EXOC4: variants seen among roughly 807,000 people sequenced by gnomAD.
EXOC4 encodes the protein exocyst complex component 4.
Under a neutral mutation model 107.2 loss-of-function variants are expected in EXOC4, and 71 were observed. The ratio of observed to expected loss-of-function variants is 0.66; its 90% confidence interval spans 0.55 to 0.81. The LOEUF (loss-of-function observed/expected upper bound fraction) is 0.81. EXOC4 is among the 30% of genes least tolerant of loss of function. EXOC4 has a pLI of 0.00. For missense variants in EXOC4, 1,108 were observed against 1,189.6 expected, an observed-to-expected ratio of 0.93 and a Z score of 1.01; for synonymous variants, 456 against 441.2, an observed-to-expected ratio of 1.03 and a Z score of -0.42.
At chr7:133,497,700 A>T (rs1799504288) in intron 9 of EXOC4, among the ~76,000 whole-genome samples, 1 of 152,104 alleles carries the variant, frequency 6.6e-6, no homozygotes, top group Non-Finnish European at 1.5e-5. Context: ...AAGTGTTGGG[A>T]TTACAGGGGT....
chr7:133,571,967 G>T (rs909626294), intron 9 of EXOC4, among the ~76,000 whole-genome samples: 1 of 152,126 alleles, frequency 6.6e-6, no homozygotes. Flanking sequence ...TGGCAACACC[G>T]GAATTTTAAA....
intron 7 of EXOC4, among the ~76,000 whole-genome samples, chr7:133,414,677 G>A (rs538998727): frequency 1.3e-5 from 2 of 152,074 alleles, no homozygotes; most frequent in Admixed American, 6.6e-5. Flanking sequence ...AATGTAAACT[G>A]TAAAAGAGTA....
intron 11 of EXOC4, among the ~76,000 whole-genome samples, chr7:133,851,377 C>A (rs1798236766): frequency 6.6e-6 from 1 of 152,138 alleles, no homozygotes; most frequent in African/African-American, 2.4e-5. Context: ...AGAGACAGGG[C>A]CTTGCTATGT....
chr7:133,726,010 A>G (rs963788155), intron 10 of EXOC4, among the ~76,000 whole-genome samples: 4 of 152,214 alleles, frequency 2.6e-5, no homozygotes, highest in African/African-American at 9.6e-5. Context: ...ATAGAAGCAG[A>G]TTTGGGAGAA....
chr7:133,456,450 C>G (rs1243500017), intron 7 of EXOC4, among the ~76,000 whole-genome samples: 1 of 152,166 alleles, frequency 6.6e-6, no homozygotes, highest in Non-Finnish European at 1.5e-5. Flanking sequence ...TTCATGCGAT[C>G]ATATCATTGA....
chr7:133,662,594 A>G (rs7783019), intron 10 of EXOC4, among the ~76,000 whole-genome samples: 81,969 of 151,704 alleles, frequency 0.54, 22,487 homozygotes, highest in Admixed American at 0.64. Flanking sequence ...TTTAATCTAG[A>G]GTAACAGTTC....
intron 5 of EXOC4, among the ~76,000 whole-genome samples, chr7:133,355,947 C>T (rs1001426105): frequency 6.6e-6 from 1 of 152,162 alleles, no homozygotes; most frequent in African/African-American, 2.4e-5. Flanking sequence ...CTAACAAATA[C>T]AAACCTGAGG....
rs74931931 is a variant in EXOC4 at position 133,827,762 on chromosome 7, A to G, written c.1734+10218A>G. Reference sequence around the variant, plus strand: ...TACATCTGGGTTACGAGGTCAGTTTAAAAAGAATGAACTGGAGGACTTTAT... The same window carrying G: ...TACATCTGGGTTACGAGGTCAGTTTGAAAAGAATGAACTGGAGGACTTTAT... On this transcript the variant is annotated intron_variant, in intron 11 of 17. Transcript: ENST00000253861. Among the ~76,000 whole-genome samples, 731 of 152,318 alleles carry G rather than the reference A, an allele frequency of 4.8e-3. 8 individuals carry two copies. Among genetic ancestry groups the G allele is most frequent in the African/African-American group, 0.017 (688 of 41,566 alleles).
At chr7:134,077,968 G>A in the EXOC4 span, among the ~76,000 whole-genome samples, 2 of 152,208 alleles carry the variant, frequency 1.3e-5, no homozygotes, top group African/African-American at 4.8e-5. Context: ...TTGAGGGAGT[G>A]CTGGGAGAGT....
intron 13 of EXOC4, among the ~76,000 whole-genome samples, chr7:133,919,961 CA>C (rs1799901771): frequency 6.6e-6 from 1 of 152,146 alleles, no homozygotes; most frequent in African/African-American, 2.4e-5. Context: ...AAGAAACTGC[CA>C]AAATGTATTC....
chr7:133,264,511 TAAG>T (rs1793668866), intron 1 of EXOC4, among the ~76,000 whole-genome samples: 1 of 152,222 alleles, frequency 6.6e-6, no homozygotes, highest in Non-Finnish European at 1.5e-5. Flanking sequence ...AAGACATAAT[TAAG>T]AAATAAGCAA....
intron 14 of EXOC4, among the ~76,000 whole-genome samples, chr7:133,992,908 G>A (rs1178601630): frequency 6.6e-6 from 1 of 151,424 alleles, no homozygotes; most frequent in East Asian, 1.9e-4. Flanking sequence ...CCTTTATCAT[G>A]ATGAGTTATG....
chr7:133,806,094 C>T (rs1478160089), intron 10 of EXOC4, among the ~76,000 whole-genome samples: 1 of 152,184 alleles, frequency 6.6e-6, no homozygotes, highest in African/African-American at 2.4e-5. Context: ...GTGCCTTAGA[C>T]CTGGAACACT....
chr7:133,354,843 G>C (rs1418135704), intron 5 of EXOC4, among the ~76,000 whole-genome samples: 6 of 152,150 alleles, frequency 3.9e-5, no homozygotes, highest in Admixed American at 6.5e-5. Flanking sequence ...TACCATCCAA[G>C]TGTTCCCTTG....
chr7:133,978,981 T>C (rs1012760507), intron 14 of EXOC4, among the ~76,000 whole-genome samples: 5 of 152,208 alleles, frequency 3.3e-5, no homozygotes, highest in African/African-American at 9.6e-5. Flanking sequence ...CATTTCACTC[T>C]GTACAGTAAA....
intron 17 of EXOC4, among the ~76,000 whole-genome samples, chr7:134,017,411 A>G (rs1794935347): frequency 6.6e-6 from 1 of 152,208 alleles, no homozygotes; most frequent in Non-Finnish European, 1.5e-5. Flanking sequence ...CCACTGCCAG[A>G]TAGAAAGAAA....
intron 14 of EXOC4, among the ~76,000 whole-genome samples, chr7:133,959,444 T>C (rs1363384301): frequency 6.7e-6 from 1 of 148,794 alleles, no homozygotes. Context: ...TCCATGAAGG[T>C]GGAAAAAAAA....
intron 10 of EXOC4, among the ~76,000 whole-genome samples, chr7:133,706,370 C>T (rs935990250): frequency 2.6e-5 from 4 of 152,198 alleles, no homozygotes; most frequent in Admixed American, 2.0e-4. Flanking sequence ...AGGAGATGTG[C>T]ACAAACATAT....
chr7:133,572,523 AT>A (rs1290511215), intron 9 of EXOC4, among the ~76,000 whole-genome samples: 7 of 152,176 alleles, frequency 4.6e-5, no homozygotes, highest in African/African-American at 1.2e-4. Flanking sequence ...GAACAATATA[AT>A]TTTTTTTTAA....
Sources: gnomAD v4.1 joint callset for allele counts (sites outside exome capture counted in the v4.1 genomes callset) on GRCh38, gnomAD v4.1.1 for gene constraint, MANE v1.5 for transcripts, NCBI Gene and HGNC (gene_info 2026-07-23, HGNC 2026-07-21) for gene names.